CDKN2A: variants seen among roughly 807,000 people sequenced by gnomAD.
The protein encoded by CDKN2A is cyclin dependent kinase inhibitor 2A.
Under a neutral mutation model 11.1 loss-of-function variants are expected in CDKN2A, and 3 were observed. The observed-to-expected ratio is 0.27, with a 90% CI of 0.12 to 0.70. The LOEUF (loss-of-function observed/expected upper bound fraction) is 0.70, where lower values mean the gene tolerates loss of function less well. CDKN2A is among the 30% of genes least tolerant of loss of function. The pLI is 0.77. For synonymous variants in CDKN2A, 122 were observed against 108.1 expected (o/e 1.13, Z -0.80); for missense variants, 265 against 233.6 (o/e 1.13, Z -0.88).
rs764244718 is a variant in CDKN2A at position 21,974,841 on chromosome 9, G to T, written c.-14C>A. On this transcript the variant is annotated 5_prime_UTR_variant, in exon 1 of 3. Coordinates refer to ENST00000304494, the MANE Select transcript of CDKN2A (RefSeq NM_000077.5). This position sits in a 1 kb window ranked among gnomAD's most constrained non-coding sequence, Gnocchi z 5.2. ...CGCCGGCTCCATGCTGCTCCCCGCCGCCCGCTGCCTGCTCTCCCCCTCTCC... is the reference window on the plus strand; with the variant it reads ...CGCCGGCTCCATGCTGCTCCCCGCCTCCCGCTGCCTGCTCTCCCCCTCTCC... The T allele has an allele frequency of 1.3e-6, 2 of 1,565,506 alleles. No individual in the cohort carries two copies. Among genetic ancestry groups the T allele is most frequent in the African/African-American group, 1.4e-5 (1 of 73,442 alleles).
chr9:21,968,750 C>T lies in CDKN2A; in HGVS notation c.458-508G>A, dbSNP rs2131082240. On this transcript the variant is annotated intron_variant, in intron 2 of 2. Coordinates refer to ENST00000304494, the MANE Select transcript of CDKN2A (RefSeq NM_000077.5). This position sits in a 1 kb window ranked among gnomAD's most constrained non-coding sequence, Gnocchi z 4.7. ...CTACGCATGCCTGCTTCTACAAACC[C>T]ACAAATGGTTTCCGATCATTTCTGA... The T allele has an allele frequency of 1.3e-6, 2 of 1,536,166 alleles. No homozygotes were observed. Among genetic ancestry groups the T allele is most frequent in the South Asian group, 2.4e-5 (2 of 84,062 alleles).
chr9:21,984,120 T>A (rs1820253002), intron 2 of CDKN2A, among the ~76,000 whole-genome samples: 1 of 152,040 alleles, frequency 6.6e-6, no homozygotes, highest in African/African-American at 2.4e-5. Flanking sequence ...TCAAAATAAA[T>A]GTCCTTTTGA....
At chr9:21,975,244 C>T (rs1279480907), upstream of CDKN2A, 5 of 876,696 alleles carry the variant, frequency 5.7e-6, no homozygotes, top group Non-Finnish European at 5.7e-6. Context: ...CCAGCAAAGG[C>T]GTGTTTGAGT....
rs1031151929 is a variant in CDKN2A at position 21,991,768 on chromosome 9, A to T, written c.-4+2114T>A. ...TTCTAAAATTCAAGAGTACTCAAAG[A>T]AGTAAAATGAATATAAGTCTTGATT... On this transcript the variant is annotated intron_variant, in intron 2 of 3. Coordinates refer to the CDKN2A transcript ENST00000494262. The surrounding 1 kb of genome is among the most constrained non-coding windows in gnomAD (Gnocchi z 5.2). The T allele has an allele frequency of 2.0e-6, 2 of 985,138 alleles. No homozygotes were observed. Among genetic ancestry groups the T allele is most frequent in the African/African-American group, 3.5e-5 (2 of 57,230 alleles). The allele number at this position is 985,138 out of a possible 1,614,324, so 61.0% of individuals were successfully genotyped here. A position where few individuals can be genotyped will look rare whatever the true frequency, so the allele number is the denominator to read the frequency against.
rs1060501275 is a variant in CDKN2A at position 21,970,907 on chromosome 9, G to A, written c.452C>T (p.Pro151Leu). 4 of 1,611,804 alleles carry A rather than the reference G, an allele frequency of 2.5e-6. No homozygotes were observed. Among genetic ancestry groups the A allele is most frequent in the Non-Finnish European group, 2.5e-6 (3 of 1,180,032 alleles). ...CTCAGATCATCAGTCCTCACCTGAGGGACCTTCCGCGGCATCTATGCGGGC... is the reference window on the plus strand; with the variant it reads ...CTCAGATCATCAGTCCTCACCTGAGAGACCTTCCGCGGCATCTATGCGGGC... Reference protein sequence around the residue: ...NHARIDAAEGPSDIPD With the variant: ...NHARIDAAEGLSDIPD The change falls in exon 2 of 3, where the codon CCC becomes CTC. Residue 151 changes from proline (P) to leucine (L), a missense_variant. Transcript: ENST00000304494.
intron 2 of CDKN2A, among the ~76,000 whole-genome samples, chr9:21,993,722 G>T (rs780083896): frequency 1.2e-4 from 19 of 152,054 alleles, no homozygotes; most frequent in Non-Finnish European, 2.2e-4. Flanking sequence ...AAAAAAGGCC[G>T]CCTCCAGAAA....
At chr9:21,979,407 G>A (rs1220666990), upstream of CDKN2A, among the ~76,000 whole-genome samples, 1 of 152,222 alleles carries the variant, frequency 6.6e-6, no homozygotes, top group Non-Finnish European at 1.5e-5. Flanking sequence ...CATATACCTG[G>A]AAGGGCAAGT....
upstream of CDKN2A, chr9:21,974,867 G>A (rs777276974): frequency 6.7e-7 from 1 of 1,491,374 alleles, no homozygotes; most frequent in Non-Finnish European, 8.9e-7. This position sits in a 1 kb window ranked among gnomAD's most constrained non-coding sequence, Gnocchi z 5.2. Context: ...CCCCCTCTCC[G>A]CAGCCGCCGA....
intron 2 of CDKN2A, among the ~76,000 whole-genome samples, chr9:21,981,121 C>T (rs1407473890): frequency 5.9e-4 from 4 of 6,824 alleles, no homozygotes; most frequent in Non-Finnish European, 1.1e-3. Context: ...TATATATATA[C>T]GTGTATATAT....
chr9:21,979,121 T>G (rs991293435), upstream of CDKN2A, among the ~76,000 whole-genome samples: 12 of 152,142 alleles, frequency 7.9e-5, no homozygotes, highest in African/African-American at 2.9e-4. Flanking sequence ...TGTGAGAGTT[T>G]AAAGATGGAA....
chr9:21,992,489 C>CA, intron 2 of CDKN2A: 2 of 835,768 alleles, frequency 2.4e-6, no homozygotes, highest in Non-Finnish European at 2.9e-6. Context: ...ACCTAAATAA[C>CA]AAAAAATGAT....
rs770185519 is a variant in CDKN2A at position 21,971,257 on chromosome 9, C to A, written c.151-49G>T. The A allele has an allele frequency of 3.8e-6, 6 of 1,571,922 alleles. No individual in the cohort carries two copies. The East Asian group carries it at 1.4e-4, about 37-fold the overall frequency. Reference sequence around the variant, plus strand: ...AGAGCCAGGGTGGGGGCCGGCATGACGGAAAGGAAGCTTGTGTAGAGCCCC... The same window carrying A: ...AGAGCCAGGGTGGGGGCCGGCATGAAGGAAAGGAAGCTTGTGTAGAGCCCC... On this transcript the variant is annotated intron_variant, in intron 1 of 2. Transcript: ENST00000304494.
upstream of CDKN2A, among the ~76,000 whole-genome samples, chr9:21,979,140 G>T (rs1820113537): frequency 6.6e-6 from 1 of 152,220 alleles, no homozygotes; most frequent in South Asian, 2.1e-4. Flanking sequence ...AAAAGAAGGA[G>T]AAAGATATTC....
Position 21,991,789 on chromosome 9 carries a change from T to C in CDKN2A, c.-4+2093A>G. The stretch of plus-strand genomic sequence containing the variant: ...AAAGAAGTAAAATGAATATAAGTCT[T>C]GATTTCTGAAAGGGCTATGGTTCAC... On this transcript the variant is annotated intron_variant, in intron 2 of 3. Transcript: ENST00000494262. This position sits in a 1 kb window ranked among gnomAD's most constrained non-coding sequence, Gnocchi z 5.2. 1.0e-6 allele frequency: 1 copy of C among 985,220 alleles called. No homozygotes were observed. Among genetic ancestry groups the C allele is most frequent in the Non-Finnish European group, 1.2e-6 (1 of 829,770 alleles). The allele number at this position is 985,220 out of a possible 1,614,324, so 61.0% of individuals were successfully genotyped here. A position where few individuals can be genotyped will look rare whatever the true frequency, so the allele number is the denominator to read the frequency against.
chr9:21,970,400 G>C (rs1223926984), intron 2 of CDKN2A: 7 of 301,506 alleles, frequency 2.3e-5, no homozygotes, highest in African/African-American at 6.4e-5. Context: ...GATTAGCTGA[G>C]GAGGGTCAGA....
chr9:21,981,495 A>C (rs1365539834), intron 2 of CDKN2A, among the ~76,000 whole-genome samples: 1 of 152,124 alleles, frequency 6.6e-6, no homozygotes, highest in Non-Finnish European at 1.5e-5. Flanking sequence ...TGTTGGGTGC[A>C]ATAGATAATT....
upstream of CDKN2A, among the ~76,000 whole-genome samples, chr9:21,977,205 A>G (rs140671339): frequency 2.6e-5 from 4 of 152,354 alleles, no homozygotes; most frequent in East Asian, 7.7e-4. Flanking sequence ...CTGTGTAGCA[A>G]TGATAGGGAA....
intron 2 of CDKN2A, among the ~76,000 whole-genome samples, chr9:21,986,774 T>C (rs576910656): frequency 3.3e-5 from 5 of 152,214 alleles, no homozygotes; most frequent in Admixed American, 1.3e-4. Flanking sequence ...AAAAATTAAA[T>C]GTTAAATATA....
intron 1 of CDKN2A, chr9:21,994,095 A>T: frequency 6.3e-7 from 1 of 1,581,156 alleles, no homozygotes; most frequent in Non-Finnish European, 8.6e-7. Flanking sequence ...ACCAAACAAA[A>T]CAAGTGCCGA....
Sources: gnomAD v4.1 joint callset for allele counts (sites outside exome capture counted in the v4.1 genomes callset) on GRCh38, gnomAD v4.1.1 for gene constraint, Gnocchi (gnomAD v3.1) non-coding constraint, MANE v1.5 for transcripts, NCBI Gene and HGNC (gene_info 2026-07-23, HGNC 2026-07-21) for gene names.